Variants in SHISAL2A observed in about 807,000 individuals in gnomAD.
SHISAL2A encodes the protein protein shisa-like-2A.
SHISAL2A carries 18 observed loss-of-function variants against 11.5 expected under a neutral mutation model. That is an observed-to-expected ratio of 1.57 (90% CI 1.08 to 2.33). SHISAL2A has a LOEUF of 2.33. SHISAL2A is among the 30% of genes most tolerant of loss of function. The pLI is 0.00. For missense variants in SHISAL2A, 261 were observed against 250.9 expected, an observed-to-expected ratio of 1.04 and a Z score of -0.27; for synonymous variants, 94 against 99.6, an observed-to-expected ratio of 0.94 and a Z score of 0.34.
chr1:52,650,039 A>T (rs1211098911), intron 2 of SHISAL2A, among the ~76,000 whole-genome samples: 1 of 152,034 alleles, frequency 6.6e-6, no homozygotes, highest in East Asian at 1.9e-4. Flanking sequence ...CCAGCCAGAG[A>T]CCTTTCCCTG....
chr1:52,644,411 A>G (rs1691446889), intron 2 of SHISAL2A, among the ~76,000 whole-genome samples: 1 of 152,178 alleles, frequency 6.6e-6, no homozygotes, highest in Admixed American at 6.5e-5. Flanking sequence ...CTGGGGGAGA[A>G]ATTTAAGCTA....
intron 2 of SHISAL2A, among the ~76,000 whole-genome samples, chr1:52,650,693 G>A (rs993225144): frequency 7.8e-6 from 1 of 128,114 alleles, no homozygotes; most frequent in Non-Finnish European, 1.6e-5. Context: ...TACCCAGGCT[G>A]GAGTGCAGTG....
chr1:52,648,647 T>C (rs1164700443), intron 2 of SHISAL2A, among the ~76,000 whole-genome samples: 4 of 152,122 alleles, frequency 2.6e-5, no homozygotes, highest in Non-Finnish European at 5.9e-5. Flanking sequence ...TATAACCCAG[T>C]TTACAGATGC....
rs1395659197 is a variant in SHISAL2A, at chr1:52,633,994, CT to C, written c.182+320del. On this transcript the variant is annotated intron_variant, in intron 1 of 2. Coordinates refer to ENST00000517870, the MANE Select transcript of SHISAL2A (RefSeq NM_001042693.3). The surrounding 1 kb of genome is among the most constrained non-coding windows in gnomAD (Gnocchi z 6.4). ...CCCAAATCACATATCAAGCCTCCCC[CT>C]AACAGCAACTTCCATCTTCAAACAT... Among the ~76,000 whole-genome samples the C allele has an allele frequency of 2.0e-5, 3 of 152,086 alleles. No homozygotes were observed. Among genetic ancestry groups the C allele is most frequent in the Admixed American group, 6.6e-5 (1 of 15,264 alleles).
intron 1 of SHISAL2A, among the ~76,000 whole-genome samples, chr1:52,634,146 G>GC (rs1244075639): frequency 6.6e-6 from 1 of 151,892 alleles, no homozygotes; most frequent in Non-Finnish European, 1.5e-5. Flanking sequence ...TCTATCACCA[G>GC]CCCCAACCTC....
chr1:52,661,923 C>T (rs1295260492), downstream of SHISAL2A, among the ~76,000 whole-genome samples: 2 of 152,016 alleles, frequency 1.3e-5, no homozygotes, highest in Non-Finnish European at 2.9e-5. Context: ...ATCCCAGCTA[C>T]TCGGGAGGCT....
At chr1:52,642,818 A>G (rs773167417) in intron 1 of SHISAL2A, 45 bp from the exon 2 acceptor site, 9 of 1,600,484 alleles carry the variant, frequency 5.6e-6, no homozygotes, top group Admixed American at 5.0e-5. Context: ...CTGTCTCCCA[A>G]GTCCCTTCCT....
intron 2 of SHISAL2A, among the ~76,000 whole-genome samples, chr1:52,655,019 C>T (rs1275131600): frequency 1.3e-5 from 2 of 151,940 alleles, no homozygotes; most frequent in Non-Finnish European, 2.9e-5. Context: ...CCCGTCTCTA[C>T]TAAAAATACA....
Position 52,649,550 on chromosome 1 carries a change from C to T in SHISAL2A, c.322+6548C>T, listed in dbSNP as rs77038261. On this transcript the variant is annotated intron_variant, in intron 2 of 2. Transcript: ENST00000517870. The stretch of plus-strand genomic sequence containing the variant: ...GGCATTCTGTACTCTGTCCCATCAC[C>T]GTCACACCCATCCCATCCCCAAACT... Among the ~76,000 whole-genome samples, 346 of 152,274 alleles carry T rather than the reference C, an allele frequency of 2.3e-3. 3 individuals carry two copies. Among genetic ancestry groups the T allele is most frequent in the African/African-American group, 6.9e-3 (287 of 41,542 alleles).
chr1:52,658,046 T>A (rs1268944234), downstream of SHISAL2A, among the ~76,000 whole-genome samples: 6 of 17,910 alleles, frequency 3.4e-4, no homozygotes, highest in African/African-American at 1.2e-3. Flanking sequence ...CTAGAAGACT[T>A]TTTTTTTTTT....
intron 2 of SHISAL2A, among the ~76,000 whole-genome samples, chr1:52,649,583 G>T (rs1285795411): frequency 6.6e-6 from 1 of 152,170 alleles, no homozygotes; most frequent in Non-Finnish European, 1.5e-5. Context: ...ACTTGGGATG[G>T]CAATGAAGAC....
chr1:52,649,674 G>A (rs951624115), intron 2 of SHISAL2A, among the ~76,000 whole-genome samples: 11 of 152,196 alleles, frequency 7.2e-5, no homozygotes, highest in Non-Finnish European at 1.3e-4. Flanking sequence ...TGGGCACTGT[G>A]CTAAGGACTT....
rs575981017 is a variant in SHISAL2A at position 52,639,685 on chromosome 1, G to A, written c.183-3178G>A. Among the ~76,000 whole-genome samples the A allele has an allele frequency of 2.9e-4, 44 of 152,070 alleles. No individual in the cohort carries two copies. The East Asian group carries it at 7.0e-3, about 24-fold the overall frequency. ...GGAGAATGGCATGAACCTGGGAGGCGGAGCTTGCAGTGAGCCAAGATTGCA... is the reference window on the plus strand; with the variant it reads ...GGAGAATGGCATGAACCTGGGAGGCAGAGCTTGCAGTGAGCCAAGATTGCA... On this transcript the variant is annotated intron_variant, in intron 1 of 2. Coordinates refer to ENST00000517870, the MANE Select transcript of SHISAL2A (RefSeq NM_001042693.3).
At chr1:52,647,865 A>C (rs1335410305) in intron 2 of SHISAL2A, among the ~76,000 whole-genome samples, 1 of 151,506 alleles carries the variant, frequency 6.6e-6, no homozygotes, top group Non-Finnish European at 1.5e-5. Context: ...GAAAAAAAGA[A>C]AAATCTTTAT....
chr1:52,650,801 C>T (rs935870954), intron 2 of SHISAL2A, among the ~76,000 whole-genome samples: 5 of 151,868 alleles, frequency 3.3e-5, no homozygotes, highest in African/African-American at 9.7e-5. Context: ...CCTGCCACCA[C>T]ACCCGGCTAA....
intron 2 of SHISAL2A, among the ~76,000 whole-genome samples, chr1:52,651,749 A>G (rs1435920886): frequency 1.3e-5 from 2 of 152,206 alleles, no homozygotes; most frequent in Admixed American, 6.5e-5. Flanking sequence ...GGTAATTAAC[A>G]TAGGTGCTCT....
rs1018004212 is a variant in SHISAL2A at position 52,633,467 on chromosome 1, G to A, written c.-27G>A. ...CTAGCCGGCCGTCTGGTGGCCCGAG[G>A]TGGCGGCGGGCTGGGCGCGGGGCGC... On this transcript the variant is annotated 5_prime_UTR_variant, in exon 1 of 3. In the 5' UTR this introduces an upstream ATG that the reference lacks. Coordinates refer to ENST00000517870, the MANE Select transcript of SHISAL2A (RefSeq NM_001042693.3). This position sits in a 1 kb window ranked among gnomAD's most constrained non-coding sequence, Gnocchi z 6.4. 1 of 1,457,878 alleles carries A rather than the reference G, an allele frequency of 6.9e-7. No individual in the cohort carries two copies. Among genetic ancestry groups the A allele is most frequent in the South Asian group, 1.4e-5 (1 of 71,156 alleles). The allele number at this position is 1,457,878 out of a possible 1,614,324, so 90.3% of individuals were successfully genotyped here. A position where few individuals can be genotyped will look rare whatever the true frequency, so the allele number is the denominator to read the frequency against.
intron 2 of SHISAL2A, among the ~76,000 whole-genome samples, chr1:52,655,452 C>CA (rs11346128): frequency 0.039 from 1,585 of 40,158 alleles, 110 homozygotes; most frequent in Non-Finnish European, 0.05. Flanking sequence ...CCTGTATCTA[C>CA]AAAAAAAAAA....
intron 1 of SHISAL2A, among the ~76,000 whole-genome samples, chr1:52,637,089 A>G (rs1218077233): frequency 1.3e-5 from 2 of 152,082 alleles, no homozygotes; most frequent in Admixed American, 6.6e-5. Flanking sequence ...GGCTCAGACA[A>G]TGCTTTCTTC....
Sources: allele counts gnomAD v4.1 joint callset (sites outside exome capture counted in the v4.1 genomes callset), GRCh38; gene constraint gnomAD v4.1.1; non-coding constraint Gnocchi (gnomAD v3.1); transcripts MANE v1.5; gene names NCBI Gene and HGNC (gene_info 2026-07-23, HGNC 2026-07-21).